The following PASD1 variants were observed in gnomAD, a reference collection of about 807,000 sequenced individuals.
PASD1 encodes the protein PAS domain containing repressor 1, also known as circadian clock protein PASD1.
In PASD1, 13 loss-of-function variants were observed where a neutral mutation model predicts 58.8. That is an observed-to-expected ratio of 0.22 (90% confidence interval 0.14 to 0.35). PASD1 has a LOEUF of 0.35. PASD1 is among the 10% of genes least tolerant of loss of function. The pLI, the probability that PASD1 is intolerant of heterozygous loss-of-function variation, is 1.00. For synonymous variants in PASD1, 236 were observed against 216.7 expected, an observed-to-expected ratio of 1.09 and a Z score of -0.78; for missense variants, 734 against 568.3, an observed-to-expected ratio of 1.29 and a Z score of -2.96.
Position 151,622,924 on chromosome X carries a change from C to CTA in PASD1, c.419-11_419-10dup. The CTA allele has an allele frequency of 8.3e-7, 1 of 1,200,259 alleles. No homozygotes were observed. Among genetic ancestry groups the CTA allele is most frequent in the Non-Finnish European group, 1.1e-6 (1 of 889,520 alleles). On this transcript the variant is annotated splice_polypyrimidine_tract_variant and intron_variant, in intron 6 of 15. Transcript: ENST00000370357. ...CACCTTTCTGTTTTCACATGTGTGT[C>CTA]TATCTTCCTTAGAGTTTCCTGTGGT...
intron 4 of PASD1, among the ~76,000 whole-genome samples, chrX:151,613,596 C>G (rs1204338563): frequency 9.0e-6 from 1 of 111,287 alleles, no homozygotes; most frequent in Non-Finnish European, 1.9e-5. Context: ...AATGGGAGTT[C>G]ACTCATGATT....
chrX:151,664,048 G>A, intron 10 of PASD1, 71 bp from the exon 11 acceptor site: 3 of 1,184,742 alleles, frequency 2.5e-6, no homozygotes, highest in Non-Finnish European at 3.4e-6. Flanking sequence ...AATGACCCTC[G>A]TACAGTCTTT....
At chrX:151,664,436 T>G in intron 11 of PASD1, 88 bp downstream of exon 11, 4 of 1,139,634 alleles carry the variant, frequency 3.5e-6, no homozygotes, top group Non-Finnish European at 4.7e-6. Flanking sequence ...GTGACCAGTT[T>G]CACTTCACAG....
At chrX:151,669,166 A>G (rs867929684) in intron 11 of PASD1, among the ~76,000 whole-genome samples, 5 of 93,359 alleles carry the variant, frequency 5.4e-5, no homozygotes, top group Non-Finnish European at 8.8e-5. Context: ...TATATACTAT[A>G]TGTGTGTGTG....
At chrX:151,675,118 G>A (rs1041003128) in intron 15 of PASD1, among the ~76,000 whole-genome samples, 3 of 111,503 alleles carry the variant, frequency 2.7e-5, no homozygotes, top group Non-Finnish European at 3.8e-5. Context: ...CCTCCTAGAG[G>A]GGGTCCTGAG....
chrX:151,672,211 T>C lies in PASD1; in HGVS notation c.1466T>C (p.Leu489Pro). 3 of 1,160,833 alleles carry C rather than the reference T, an allele frequency of 2.6e-6. No individual in the cohort carries two copies. The highest frequency in any genetic ancestry group is 3.4e-6 in the Non-Finnish European group (3 of 871,350). The change falls in exon 14 of 16, where the codon CTG (leucine) becomes CCG (proline). Residue 489 changes from leucine (L) to proline (P), a missense_variant. Coordinates refer to ENST00000370357, the MANE Select transcript of PASD1 (RefSeq NM_173493.3). ...CAACTGGTGCAGCAAGAACAACACC[T>C]GAAGGAGCAGCAGCGGCAGCTGCGG... ...QQQLVQQEQH[L>P]KEQQRQLREQ...
intron 9 of PASD1, among the ~76,000 whole-genome samples, chrX:151,654,446 GTAGA>G (rs762672941): frequency 8.9e-6 from 1 of 111,820 alleles, no homozygotes; most frequent in South Asian, 3.8e-4. Flanking sequence ...GGACACTAAG[GTAGA>G]TAGCAACAAG....
chrX:151,638,407 A>G (rs868862355), intron 8 of PASD1, among the ~76,000 whole-genome samples: 3 of 108,384 alleles, frequency 2.8e-5, no homozygotes, highest in Middle Eastern at 4.8e-3. Context: ...ACAAACCTGC[A>G]CATTGTGCTC....
chrX:151,581,362 A>AG (rs1178039828), intron 1 of PASD1, among the ~76,000 whole-genome samples: 1 of 109,989 alleles, frequency 9.1e-6, no homozygotes, highest in Non-Finnish European at 1.9e-5. Context: ...AGACCAATGC[A>AG]GGAGGATCCC....
At chrX:151,608,012 C>T (rs1252386320) in intron 3 of PASD1, among the ~76,000 whole-genome samples, 1 of 111,456 alleles carries the variant, frequency 9.0e-6, no homozygotes, top group Non-Finnish European at 1.9e-5. Flanking sequence ...TTCATATATC[C>T]TCTTCCATAT....
At chrX:151,610,184 A>G (rs1487647510) in intron 3 of PASD1, among the ~76,000 whole-genome samples, 1 of 110,986 alleles carries the variant, frequency 9.0e-6, no homozygotes, top group Non-Finnish European at 1.9e-5. Flanking sequence ...GATCAGACAT[A>G]TGTTGGACTT....
intron 8 of PASD1, among the ~76,000 whole-genome samples, chrX:151,648,335 A>G (rs921455539): frequency 1.8e-5 from 2 of 110,480 alleles, no homozygotes; most frequent in Non-Finnish European, 3.8e-5. Flanking sequence ...TATTCACTCA[A>G]ACACCTTGGC....
chrX:151,600,202 G>A (rs1467992822), intron 1 of PASD1, among the ~76,000 whole-genome samples: 1 of 110,442 alleles, frequency 9.1e-6, no homozygotes, highest in African/African-American at 3.3e-5. Context: ...GCAGTGAGTC[G>A]AGATGGTGGC....
At chrX:151,584,183 C>G (rs2013135656) in intron 1 of PASD1, among the ~76,000 whole-genome samples, 1 of 111,552 alleles carries the variant, frequency 9.0e-6, no homozygotes, top group Middle Eastern at 4.7e-3. Flanking sequence ...TTGAAGAAAT[C>G]AATCAGGGAA....
intron 9 of PASD1, among the ~76,000 whole-genome samples, chrX:151,653,868 C>CTCCCTCCTTCTTTCTTTCTTTCTT (rs1556202852): frequency 6.1e-5 from 1 of 16,462 alleles, no homozygotes; most frequent in African/African-American, 2.2e-4. Flanking sequence ...CCCTCCCTCC[C>CTCCCTCCTTCTTTCTTTCTTTCTT]TCTTTCTTTC....
At chrX:151,608,647 T>G (rs1432919036) in intron 3 of PASD1, among the ~76,000 whole-genome samples, 1 of 111,873 alleles carries the variant, frequency 8.9e-6, no homozygotes, top group African/African-American at 3.2e-5. Flanking sequence ...ACGTTTTATC[T>G]ATTATATTTA....
chrX:151,667,740 A>G (rs997693206), intron 11 of PASD1, among the ~76,000 whole-genome samples: 2 of 111,287 alleles, frequency 1.8e-5, no homozygotes, highest in Non-Finnish European at 3.8e-5. Context: ...ATTGGTCTGT[A>G]TCTCTGTTTT....
At chrX:151,638,589 A>G (rs1172686254) in intron 8 of PASD1, among the ~76,000 whole-genome samples, 3 of 111,808 alleles carry the variant, frequency 2.7e-5, no homozygotes, top group African/African-American at 9.7e-5. Context: ...CATTCTGGAT[A>G]CAAGTTATTT....
chrX:151,614,859 T>C (rs1425666636), intron 4 of PASD1, among the ~76,000 whole-genome samples: 2 of 111,960 alleles, frequency 1.8e-5, no homozygotes, highest in African/African-American at 6.5e-5. Flanking sequence ...TTACAGATGC[T>C]AGAATCGATC....
Sources: allele counts gnomAD v4.1 joint callset (sites outside exome capture counted in the v4.1 genomes callset), GRCh38; gene constraint gnomAD v4.1.1; transcripts MANE v1.5; gene names NCBI Gene and HGNC (gene_info 2026-07-23, HGNC 2026-07-21).